Variants in SORL1 observed in about 807,000 individuals in gnomAD.
SORL1 encodes the protein sortilin-related receptor.
Under a neutral mutation model 273.7 loss-of-function variants are expected in SORL1, and 127 were observed. The observed-to-expected ratio is 0.46, with a 90% CI of 0.40 to 0.54. The LOEUF (loss-of-function observed/expected upper bound fraction) is 0.54, where lower values mean the gene tolerates loss of function less well. Among genes scored for constraint, SORL1 ranks in the 20% least tolerant of loss-of-function variants. The pLI, the probability that SORL1 is intolerant of heterozygous loss-of-function variation, is 0.00. For synonymous variants in SORL1, 1,031 were observed against 1,067.4 expected, an observed-to-expected ratio of 0.97 and a Z score of 0.66; for missense variants, 2,494 against 2,846.1, an observed-to-expected ratio of 0.88 and a Z score of 2.81.
chr11:121,596,598 C>T lies in SORL1; in HGVS notation c.4519+826C>T, dbSNP rs758149928. Among the ~76,000 whole-genome samples, 5 of 152,256 alleles carry T rather than the reference C, an allele frequency of 3.3e-5. No homozygotes were observed. The highest frequency in any genetic ancestry group is 2.1e-4 in the South Asian group (1 of 4,816). ...CTCTGGCTCGGGGATCCCTGCTTTGCGGGCCTCCCCTCCATCCAGTCTCCT... is the reference window on the plus strand; with the variant it reads ...CTCTGGCTCGGGGATCCCTGCTTTGTGGGCCTCCCCTCCATCCAGTCTCCT... On this transcript the variant is annotated intron_variant, in intron 32 of 47. Transcript: ENST00000260197. This position sits in a 1 kb window ranked among gnomAD's most constrained non-coding sequence, Gnocchi z 4.3.
At chr11:121,534,320 A>G (rs1862240336) in intron 12 of SORL1, among the ~76,000 whole-genome samples, 1 of 152,228 alleles carries the variant, frequency 6.6e-6, no homozygotes, top group Admixed American at 6.5e-5. Context: ...CTCTTACACC[A>G]TCTGTCGGTG....
rs144800637 is a variant in SORL1 at position 121,581,324 on chromosome 11, C to T, written c.3581-2134C>T. Among the ~76,000 whole-genome samples, 5 of 152,286 alleles carry T rather than the reference C, an allele frequency of 3.3e-5. No individual in the cohort carries two copies. In the East Asian group the frequency reaches 7.7e-4, roughly 23 times the overall value. On this transcript the variant is annotated intron_variant, in intron 25 of 47. Transcript: ENST00000260197. ...TGTTTGGTTAATGCTTTTAATCAGG[C>T]ATTCCAGCAGGTCTTGATGAATCAG...
rs373147483 is a variant in SORL1, at chr11:121,532,533, A to G, written c.1666A>G (p.Met556Val). The change falls in exon 12 of 48, where the codon ATG becomes GTG. Residue 556 changes from methionine to valine, a missense_variant. This residue lies in a region of SORL1 where 710 missense variants were observed against 882.5 expected (regional missense o/e 0.80). Transcript: ENST00000260197. ...GGIITAIAQG[M>V]ETNELKYSTN... Reference sequence around the variant, plus strand: ...AATCATCACGGCCATTGCCCAGGGCATGGAAACCAACGAGCTAAAGTAAGT... The same window carrying G: ...AATCATCACGGCCATTGCCCAGGGCGTGGAAACCAACGAGCTAAAGTAAGT... The G allele has an allele frequency of 5.8e-5, 93 of 1,614,008 alleles. No homozygotes were observed. The highest frequency in any genetic ancestry group is 7.1e-5 in the Non-Finnish European group (84 of 1,179,990).
chr11:121,602,790 A>G (rs188261198), intron 32 of SORL1, among the ~76,000 whole-genome samples: 1 of 152,308 alleles, frequency 6.6e-6, no homozygotes, highest in East Asian at 1.9e-4. Context: ...GGAAGGGACT[A>G]TTATCATCCT....
At chr11:121,591,273 T>C in intron 31 of SORL1, 117 bp downstream of exon 31, 4 of 1,057,882 alleles carry the variant, frequency 3.8e-6, no homozygotes, top group Non-Finnish European at 5.6e-6. Context: ...GGGACTCTGC[T>C]GTGTGGCCAG....
intron 39 of SORL1, chr11:121,612,400 A>T (rs1212909836): frequency 4.8e-6 from 1 of 206,230 alleles, no homozygotes; most frequent in Non-Finnish European, 1.0e-5. Flanking sequence ...ATTTATCCTT[A>T]ATTTCCATGG....
rs375938275 is a variant in SORL1 at position 121,559,487 on chromosome 11, G to C, written c.2911-32G>C. ...GAGAACCAGAATAAAGAACGAAAGA[G>C]CTGGACTAATGGGCAAAGGTTTTCT... On this transcript the variant is annotated intron_variant, in intron 20 of 47. Coordinates refer to ENST00000260197, the MANE Select transcript of SORL1 (RefSeq NM_003105.6). 16 of 1,603,370 alleles carry C rather than the reference G, an allele frequency of 1.0e-5. No individual in the cohort carries two copies. The African/African-American group carries it at 1.2e-4, about 12-fold the overall frequency.
At position 121,614,861 on chromosome 11, in the gene SORL1, G is replaced by A. The variant is rs201567708; in HGVS notation, c.5420-10G>A. 10 of 1,610,916 alleles carry A rather than the reference G, an allele frequency of 6.2e-6. No individual in the cohort carries two copies. Among genetic ancestry groups the A allele is most frequent in the Non-Finnish European group, 8.5e-6 (10 of 1,178,516 alleles). On this transcript the variant is annotated splice_polypyrimidine_tract_variant and intron_variant, in intron 40 of 47. Coordinates refer to ENST00000260197, the MANE Select transcript of SORL1 (RefSeq NM_003105.6). ...CTTCCTCCTGGAATCTCCTTTTCCT[G>A]TTTTCACAGTTGGCAATCTGACAGC...
intron 32 of SORL1, 64 bp from the exon 33 acceptor site, chr11:121,604,129 G>A: frequency 1.3e-6 from 2 of 1,582,388 alleles, no homozygotes; most frequent in African/African-American, 1.3e-5. Flanking sequence ...GAATAAACTT[G>A]GGCCCAGCCT....
chr11:121,474,134 C>A lies in SORL1; in HGVS notation c.403-3984C>A, dbSNP rs539894068. ...CATTCATTAGCAATCTGACCTTGGG[C>A]CAGGTGATGTACCTTCTCTTGTCCT... On this transcript the variant is annotated intron_variant, in intron 2 of 47. Transcript: ENST00000260197. Among the ~76,000 whole-genome samples the A allele has an allele frequency of 1.7e-3, 254 of 152,316 alleles. 4 individuals are homozygous for A. The highest frequency in any genetic ancestry group is 0.01 in the Middle Eastern group (3 of 294).
rs1202308766 is a variant in SORL1, at chr11:121,543,720, G to T, written c.1858G>T (p.Ala620Ser). The T allele has an allele frequency of 6.2e-7, 1 of 1,612,044 alleles. No individual in the cohort carries two copies. Among genetic ancestry groups the T allele is most frequent in the Admixed American group, 1.7e-5 (1 of 60,010 alleles). ...GATCCTCCAGGTCAATGCCACGGAT[G>T]CCTTGGGTAAGCTGCTGCCTCCTTG... Reference protein sequence around the residue: ...WLILQVNATDALGVPCTENDY... With the variant: ...WLILQVNATDSLGVPCTENDY... The change falls in exon 13 of 48, where the codon GCC (alanine) becomes TCC (serine). Residue 620 changes from alanine (A) to serine (S), a missense_variant. By Grantham distance (99) the Ala-to-Ser change is moderately conservative. Transcript: ENST00000260197.
intron 43 of SORL1, 140 bp downstream of exon 43, chr11:121,620,057 A>G: frequency 1.5e-6 from 1 of 687,346 alleles, no homozygotes; most frequent in South Asian, 1.8e-5. Flanking sequence ...CTCCCATTTC[A>G]GTCTGACCAA....
chr11:121,521,469 C>A (rs570441503), intron 9 of SORL1, among the ~76,000 whole-genome samples: 1 of 152,254 alleles, frequency 6.6e-6, no homozygotes, highest in East Asian at 1.9e-4. Flanking sequence ...TTAATGGTAT[C>A]ATTCAAATTC....
At chr11:121,593,517 G>A (rs891272190) in intron 31 of SORL1, among the ~76,000 whole-genome samples, 2 of 152,180 alleles carry the variant, frequency 1.3e-5, no homozygotes, top group Non-Finnish European at 2.9e-5. Context: ...CTGTGTGCCT[G>A]TTACCCAGGG....
chr11:121,488,447 C>T (rs1255257090), intron 4 of SORL1, among the ~76,000 whole-genome samples: 1 of 152,198 alleles, frequency 6.6e-6, no homozygotes, highest in Non-Finnish European at 1.5e-5. Context: ...TCATGCCCTT[C>T]TCCATGCAGT....
chr11:121,561,456 C>G (rs1452447268), intron 21 of SORL1, among the ~76,000 whole-genome samples: 1 of 152,138 alleles, frequency 6.6e-6, no homozygotes, highest in East Asian at 1.9e-4. Flanking sequence ...AAAGAGTCAT[C>G]TTCATTTAAG....
At position 121,585,783 on chromosome 11, in the gene SORL1, G is replaced by GT. The variant is rs541767544; in HGVS notation, c.3707-436dup. Among the ~76,000 whole-genome samples the GT allele has an allele frequency of 1.6e-3, 247 of 152,070 alleles. 1 individual carries two copies. Among genetic ancestry groups the GT allele is most frequent in the Admixed American group, 6.4e-3 (98 of 15,284 alleles). ...TGCACCTTGTTTTTTTCACAGAACT[G>GT]TTTATCTAGGGCATAATTTTTATAG... On this transcript the variant is annotated intron_variant, in intron 26 of 47. Coordinates refer to ENST00000260197, the MANE Select transcript of SORL1 (RefSeq NM_003105.6).
chr11:121,619,009 G>A lies in SORL1; in HGVS notation c.5724+116G>A, dbSNP rs375176996. ...GGACTCCAGGATTGATGTGTGTGAC[G>A]AGAGGCAACTTCCTCTTCTTCATAA... is the stretch of plus-strand genomic sequence containing the variant. On this transcript the variant is annotated intron_variant, in intron 42 of 47. Coordinates refer to ENST00000260197, the MANE Select transcript of SORL1 (RefSeq NM_003105.6). 118 of 1,046,614 alleles carry A rather than the reference G, an allele frequency of 1.1e-4. No individual in the cohort carries two copies. The African/African-American group carries it at 1.6e-3, about 14-fold the overall frequency. 64.8% of individuals were successfully genotyped at this position (1,046,614 alleles called of 1,614,324 possible).
At chr11:121,568,894 C>G (rs979014423) in intron 22 of SORL1, among the ~76,000 whole-genome samples, 1 of 152,166 alleles carries the variant, frequency 6.6e-6, no homozygotes, top group African/African-American at 2.4e-5. Flanking sequence ...GGGACATTTC[C>G]TTCCCTGTAG....
Sources: allele counts gnomAD v4.1 joint callset (sites outside exome capture counted in the v4.1 genomes callset), GRCh38; gene constraint gnomAD v4.1.1; regional missense constraint gnomAD v4.1.1; non-coding constraint Gnocchi (gnomAD v3.1); transcripts MANE v1.5; gene names NCBI Gene and HGNC (gene_info 2026-07-23, HGNC 2026-07-21).